The following NCALD variants were observed in gnomAD, a reference collection of about 807,000 sequenced individuals.
NCALD encodes neurocalcin delta, also known as neurocalcin-delta.
A neutral mutation model predicts 18.6 loss-of-function variants in NCALD; 10 were observed. That is an observed-to-expected ratio of 0.54 (90% CI 0.33 to 0.91). The LOEUF (loss-of-function observed/expected upper bound fraction) is 0.91. Ranked by LOEUF, NCALD falls within the 40% of genes least tolerant of loss-of-function variation. The pLI is 0.03. For synonymous variants in NCALD, 88 were observed against 87.4 expected, an observed-to-expected ratio of 1.01 and a Z score of -0.04; for missense variants, 184 against 247.6, an observed-to-expected ratio of 0.74 and a Z score of 1.72.
At chr8:101,878,049 T>C (rs510524) in intron 4 of NCALD, among the ~76,000 whole-genome samples, 54,470 of 152,158 alleles carry the variant, frequency 0.36, 11,673 homozygotes, top group African/African-American at 0.59. Context: ...GGGCACATGC[T>C]GTATGTCCCA....
chr8:101,872,121 A>T, intron 4 of NCALD: 2 of 1,603,662 alleles, frequency 1.2e-6, no homozygotes, highest in Non-Finnish European at 1.7e-6. Context: ...TAAATTTGAC[A>T]TCAGGAAACT....
intron 1 of NCALD, among the ~76,000 whole-genome samples, chr8:101,780,931 C>A (rs1811987825): frequency 6.6e-6 from 1 of 152,094 alleles, no homozygotes; most frequent in Non-Finnish European, 1.5e-5. Context: ...AGTTAATAAA[C>A]TCTTGGTTCA....
At chr8:101,728,575 C>A (rs182030806) in intron 1 of NCALD, among the ~76,000 whole-genome samples, 1 of 152,210 alleles carries the variant, frequency 6.6e-6, no homozygotes, top group African/African-American at 2.4e-5. Flanking sequence ...AATCCCAGCA[C>A]TTTGGGAGGC....
chr8:101,752,445 G>T (rs191638631), intron 1 of NCALD, among the ~76,000 whole-genome samples: 1 of 152,146 alleles, frequency 6.6e-6, no homozygotes, highest in Non-Finnish European at 1.5e-5. Context: ...ACTTGGATTA[G>T]TCCATAACAA....
intron 2 of NCALD, among the ~76,000 whole-genome samples, chr8:101,975,800 A>T (rs931309681): frequency 6.6e-6 from 1 of 152,070 alleles, no homozygotes; most frequent in African/African-American, 2.4e-5. Flanking sequence ...TTCTGTGGAG[A>T]GTATGCAAGC....
rs1272551397 is a variant in NCALD at position 101,837,356 on chromosome 8, TGTAA to T, written c.-20+49781_-20+49784del. On this transcript the variant is annotated intron_variant, in intron 4 of 6. Coordinates refer to the NCALD transcript ENST00000311028. ...CAAATAACATATATCAAATAAATAGTGTAAGTGACATGTGACAAAGACCACATAG... is the reference window on the plus strand; with the variant it reads ...CAAATAACATATATCAAATAAATAGTGTGACATGTGACAAAGACCACATAG... 2.6e-5 allele frequency among the ~76,000 whole-genome samples: 4 copies of T among 152,272 alleles called. No homozygotes were observed. The East Asian group carries it at 7.7e-4, about 29-fold the overall frequency.
At chr8:102,008,704 G>A (rs1821795688) in intron 2 of NCALD, among the ~76,000 whole-genome samples, 1 of 152,114 alleles carries the variant, frequency 6.6e-6, no homozygotes, top group Non-Finnish European at 1.5e-5. Context: ...AACTACCCCA[G>A]ACCAAGCCCC....
At chr8:101,772,564 C>T (rs991078449) in intron 1 of NCALD, among the ~76,000 whole-genome samples, 1 of 152,206 alleles carries the variant, frequency 6.6e-6, no homozygotes, top group African/African-American at 2.4e-5. Context: ...CCCTGGACAC[C>T]TTCCTTGGTT....
At chr8:101,801,655 T>C (rs1812863484) in intron 4 of NCALD, among the ~76,000 whole-genome samples, 1 of 79,496 alleles carries the variant, frequency 1.3e-5, no homozygotes, top group Non-Finnish European at 2.2e-5. Context: ...TTTTTTTTTT[T>C]TTTTTTTTTT....
chr8:101,975,110 G>A (rs762032048), intron 2 of NCALD: 13 of 152,180 alleles, frequency 8.5e-5, no homozygotes, highest in African/African-American at 1.2e-4. Context: ...AATTGGCCCA[G>A]TGACCCCTTT....
At chr8:101,926,663 TAAC>T (rs946189217) in intron 2 of NCALD, among the ~76,000 whole-genome samples, 11 of 152,280 alleles carry the variant, frequency 7.2e-5, no homozygotes, top group African/African-American at 2.6e-4. Flanking sequence ...ACCACAGTCT[TAAC>T]AATTTCCCCC....
intron 1 of NCALD, among the ~76,000 whole-genome samples, chr8:101,730,575 T>G (rs1816784207): frequency 6.6e-6 from 1 of 151,616 alleles, no homozygotes. Context: ...TTGCTAAATT[T>G]TCATTTATCG....
intron 1 of NCALD, among the ~76,000 whole-genome samples, chr8:102,024,628 C>A (rs1302414686): frequency 1.3e-5 from 2 of 152,202 alleles, no homozygotes; most frequent in Non-Finnish European, 1.5e-5. Context: ...TCATCAATAA[C>A]CAAATCCTGT....
intron 4 of NCALD, among the ~76,000 whole-genome samples, chr8:101,884,392 C>G (rs1816600133): frequency 6.6e-6 from 1 of 152,184 alleles, no homozygotes; most frequent in Non-Finnish European, 1.5e-5. Flanking sequence ...TATTAATATC[C>G]CTGCCACCTA....
rs150625347 is a variant in NCALD, at chr8:101,913,176, G to A, written c.-107+2633C>T. Among the ~76,000 whole-genome samples, 411 of 152,294 alleles carry A rather than the reference G, an allele frequency of 2.7e-3. 3 individuals are homozygous for A. The highest frequency in any genetic ancestry group is 0.014 in the Middle Eastern group (4 of 294). Reference sequence around the variant, plus strand: ...TGTACTCAGACTCCTGACCCAAGAAGATGGAACACAATACTCATTGTTTTA... The same window carrying A: ...TGTACTCAGACTCCTGACCCAAGAAAATGGAACACAATACTCATTGTTTTA... On this transcript the variant is annotated intron_variant, in intron 3 of 6. Transcript: ENST00000311028.
At chr8:101,925,270 T>A (rs1818295668) in intron 2 of NCALD, among the ~76,000 whole-genome samples, 1 of 152,090 alleles carries the variant, frequency 6.6e-6, no homozygotes, top group South Asian at 2.1e-4. Flanking sequence ...TACAGACATC[T>A]GACAGCCAGA....
upstream of NCALD, among the ~76,000 whole-genome samples, chr8:101,792,965 CACTTTT>C (rs983121698): frequency 7.3e-5 from 11 of 151,098 alleles, no homozygotes; most frequent in African/African-American, 2.2e-4. Flanking sequence ...AAAAAACCAA[CACTTTT>C]ACTTTGACTG....
chr8:102,079,361 C>T (rs1380152306), intron 1 of NCALD, among the ~76,000 whole-genome samples: 1 of 152,212 alleles, frequency 6.6e-6, no homozygotes, highest in African/African-American at 2.4e-5. Flanking sequence ...TCTGCACAAC[C>T]ACCGTATTTT....
intron 3 of NCALD, among the ~76,000 whole-genome samples, chr8:101,887,787 T>C (rs1239938177): frequency 3.3e-5 from 5 of 152,120 alleles, no homozygotes; most frequent in South Asian, 2.1e-4. Flanking sequence ...AACTCACTTA[T>C]ACAAATAAAT....
Sources: allele counts gnomAD v4.1 joint callset (sites outside exome capture counted in the v4.1 genomes callset), GRCh38; gene constraint gnomAD v4.1.1; transcripts MANE v1.5; gene names NCBI Gene and HGNC (gene_info 2026-07-23, HGNC 2026-07-21).